SLC25A26: variants seen among roughly 807,000 people sequenced by gnomAD.
SLC25A26 encodes the protein solute carrier family 25 member 26.
Under a neutral mutation model 37.8 loss-of-function variants are expected in SLC25A26, and 36 were observed. That is an observed-to-expected ratio of 0.95 (90% CI 0.73 to 1.26). SLC25A26 has a LOEUF of 1.26. SLC25A26 is among the 50% of genes most tolerant of loss of function. The pLI is 0.00. For missense variants in SLC25A26, 390 were observed against 331.1 expected (o/e 1.18, Z -1.38); for synonymous variants, 129 against 122.5 (o/e 1.05, Z -0.35).
chr3:66,354,142 T>C (rs553285868), intron 6 of SLC25A26, among the ~76,000 whole-genome samples: 1 of 152,224 alleles, frequency 6.6e-6, no homozygotes, highest in Admixed American at 6.5e-5. Flanking sequence ...ATGATAAAAT[T>C]TCCTGTGAGA....
intron 5 of SLC25A26, among the ~76,000 whole-genome samples, chr3:66,322,087 G>A (rs1051373882): frequency 3.3e-5 from 5 of 151,980 alleles, no homozygotes; most frequent in African/African-American, 1.2e-4. Flanking sequence ...TGAACTTTGG[G>A]GGACACATTC....
At position 66,377,713 on chromosome 3, in the gene SLC25A26, G is replaced by GA; in HGVS notation, c.733dup (p.Met245AsnfsTer16). On this transcript the variant is annotated frameshift_variant, in exon 10 of 10. Transcript: ENST00000354883. LOFTEE classifies it high-confidence loss of function. ...AGATTATTTGCAGGTGTCTTCCCTC[G>GA]AATGGCAGCCATCAGTCTGGGAGGT... 7 of 1,613,600 alleles carry GA rather than the reference G, an allele frequency of 4.3e-6. No individual in the cohort carries two copies. The highest frequency in any genetic ancestry group is 5.9e-6 in the Non-Finnish European group (7 of 1,179,768).
At chr3:66,274,462 C>A (rs1200980322) in intron 5 of SLC25A26, among the ~76,000 whole-genome samples, 1 of 152,028 alleles carries the variant, frequency 6.6e-6, no homozygotes, top group African/African-American at 2.4e-5. Context: ...AGTGAACAGG[C>A]AACCTACAAA....
intron 6 of SLC25A26, among the ~76,000 whole-genome samples, chr3:66,350,863 C>G (rs1283464567): frequency 1.3e-5 from 2 of 152,130 alleles, no homozygotes; most frequent in Non-Finnish European, 1.5e-5. Context: ...AAAAGTGATG[C>G]ATCACTCAAA....
chr3:66,303,757 G>A (rs1030858439), intron 5 of SLC25A26, among the ~76,000 whole-genome samples: 2 of 152,194 alleles, frequency 1.3e-5, no homozygotes, highest in South Asian at 2.1e-4. Flanking sequence ...GCAGTCTGAG[G>A]ACCGCGTGGC....
intron 1 of SLC25A26, among the ~76,000 whole-genome samples, chr3:66,160,350 C>T (rs1037038759): frequency 1.3e-5 from 2 of 152,176 alleles, no homozygotes; most frequent in Non-Finnish European, 2.9e-5. Context: ...TTCTGTCCCC[C>T]ATTTCACCAC....
At chr3:66,309,467 AT>A (rs199870906) in intron 5 of SLC25A26, among the ~76,000 whole-genome samples, 8,019 of 149,846 alleles carry the variant, frequency 0.054, 670 homozygotes, top group African/African-American at 0.18. Context: ...GGATTCATTG[AT>A]TTTTTTTTTA....
intron 1 of SLC25A26, among the ~76,000 whole-genome samples, chr3:66,157,709 A>T (rs150896916): frequency 1.9e-4 from 29 of 152,348 alleles, no homozygotes; most frequent in Non-Finnish European, 3.7e-4. Flanking sequence ...CAATTAAATG[A>T]CTACATCACA....
At chr3:66,334,576 A>C (rs1201014810) in intron 5 of SLC25A26, among the ~76,000 whole-genome samples, 3 of 152,100 alleles carry the variant, frequency 2.0e-5, no homozygotes, top group Non-Finnish European at 2.9e-5. Context: ...TCAGCCTCCC[A>C]AAGTGCTAGG....
intron 9 of SLC25A26, among the ~76,000 whole-genome samples, chr3:66,376,982 A>T (rs1700692100): frequency 6.6e-6 from 1 of 152,182 alleles, no homozygotes; most frequent in Non-Finnish European, 1.5e-5. Flanking sequence ...GTATGTTTAT[A>T]CTGTGCCATA....
intron 5 of SLC25A26, among the ~76,000 whole-genome samples, chr3:66,288,857 G>A (rs1040592112): frequency 1.3e-5 from 2 of 152,116 alleles, no homozygotes; most frequent in Non-Finnish European, 2.9e-5. Context: ...TGAGATTGCT[G>A]GGTCAAATGG....
chr3:66,352,406 C>G (rs1175366956), intron 6 of SLC25A26, among the ~76,000 whole-genome samples: 1 of 150,796 alleles, frequency 6.6e-6, no homozygotes, highest in Non-Finnish European at 1.5e-5. Flanking sequence ...GTGCTGCTGC[C>G]TAGCGCCTCC....
At chr3:66,213,575 A>C (rs2071317171) in intron 1 of SLC25A26, among the ~76,000 whole-genome samples, 1 of 152,064 alleles carries the variant, frequency 6.6e-6, no homozygotes, top group Non-Finnish European at 1.5e-5. Context: ...TGACATTATC[A>C]ATATTCTTTA....
Position 66,266,576 on chromosome 3 carries a change from C to CTTTTTTT in SLC25A26, c.453+3212_453+3218dup, listed in dbSNP as rs1004250488. Among the ~76,000 whole-genome samples, 536 of 111,456 alleles carry CTTTTTTT rather than the reference C, an allele frequency of 4.8e-3. 5 individuals carry two copies. The highest frequency in any genetic ancestry group is 6.5e-3 in the African/African-American group (174 of 26,630). 73.1% of individuals were successfully genotyped at this position (111,456 alleles called of 152,430 possible). ...TTTAGATTGTGTGAATGTTGTCACA[C>CTTTTTTT]TTTTTTTTTTTTTTTTTTTTTACTG... On this transcript the variant is annotated intron_variant, in intron 5 of 9. Coordinates refer to ENST00000354883, the MANE Select transcript of SLC25A26 (RefSeq NM_001379210.1).
chr3:66,220,919 G>A (rs2106863357), upstream of SLC25A26: 2 of 698,166 alleles, frequency 2.9e-6, no homozygotes, highest in East Asian at 3.0e-5. Context: ...CCTCCTCTCT[G>A]GCCCTCCCCT....
rs564917754 is a variant in SLC25A26, at chr3:66,243,999, A to T, written c.300+687A>T. Reference sequence around the variant, plus strand: ...TTCCAGTCTGTCCTTGTTCTTCCCCAACTTCACATCCATCTTTCCTTCCCT... The same window carrying T: ...TTCCAGTCTGTCCTTGTTCTTCCCCTACTTCACATCCATCTTTCCTTCCCT... On this transcript the variant is annotated intron_variant, in intron 3 of 9. Transcript: ENST00000354883. 9.9e-5 allele frequency among the ~76,000 whole-genome samples: 15 copies of T among 152,234 alleles called. No homozygotes were observed. The South Asian group carries it at 3.1e-3, about 32-fold the overall frequency.
At chr3:66,336,729 A>G (rs2076099968) in intron 5 of SLC25A26, among the ~76,000 whole-genome samples, 1 of 152,194 alleles carries the variant, frequency 6.6e-6, no homozygotes, top group Non-Finnish European at 1.5e-5. Flanking sequence ...CATGAACAAG[A>G]ATCATCCTGA....
chr3:66,354,425 C>A (rs1262731260), intron 6 of SLC25A26, among the ~76,000 whole-genome samples: 2 of 152,170 alleles, frequency 1.3e-5, no homozygotes, highest in East Asian at 1.9e-4. Context: ...GGGACCAATG[C>A]ATTATCACTT....
At chr3:66,289,113 CATAAATGTCTTTTTTTG>C (rs2074615437) in intron 5 of SLC25A26, among the ~76,000 whole-genome samples, 1 of 152,304 alleles carries the variant, frequency 6.6e-6, no homozygotes, top group African/African-American at 2.4e-5. Context: ...TTGTTGGCCA[CATAAATGTCTTTTTTTG>C]AGAAGTGTCT....
Sources: allele counts gnomAD v4.1 joint callset (sites outside exome capture counted in the v4.1 genomes callset), GRCh38; gene constraint gnomAD v4.1.1; transcripts MANE v1.5; gene names NCBI Gene and HGNC (gene_info 2026-07-23, HGNC 2026-07-21).